The following ANO3 variants were observed in gnomAD, a reference collection of about 807,000 sequenced individuals.
The protein encoded by ANO3 is anoctamin-3.
ANO3 carries 99 observed loss-of-function variants against 144.8 expected under a neutral mutation model. The observed-to-expected ratio is 0.68, with a 90% confidence interval of 0.58 to 0.81. The LOEUF (loss-of-function observed/expected upper bound fraction) is 0.81. Ranked by LOEUF, ANO3 falls within the 30% of genes least tolerant of loss-of-function variation. The probability of loss-of-function intolerance (pLI) is 0.00; values close to 1 mark genes in which losing one functional copy is unlikely to be tolerated. For synonymous variants in ANO3, 414 were observed against 392.6 expected (o/e 1.05, Z -0.64); for missense variants, 905 against 1,202.2 (o/e 0.75, Z 3.66).
intron 4 of ANO3, among the ~76,000 whole-genome samples, chr11:26,506,307 C>A (rs117350627): frequency 0.022 from 3,353 of 152,274 alleles, 62 homozygotes; most frequent in Non-Finnish European, 0.035. Flanking sequence ...AAGGTATCAA[C>A]TTGGTCAAAA....
At chr11:26,229,800 T>C (rs897268815) in intron 1 of ANO3, among the ~76,000 whole-genome samples, 2 of 152,170 alleles carry the variant, frequency 1.3e-5, no homozygotes, top group Admixed American at 1.3e-4. Context: ...AATTACCCAC[T>C]ATTCAAATTG....
At chr11:26,580,309 G>T (rs1046985144) in intron 14 of ANO3, among the ~76,000 whole-genome samples, 1 of 151,974 alleles carries the variant, frequency 6.6e-6, no homozygotes, top group African/African-American at 2.4e-5. Flanking sequence ...TCTCTAGCAT[G>T]GTTAATTCTG....
At chr11:26,393,803 T>A (rs191000936) in intron 1 of ANO3, among the ~76,000 whole-genome samples, 1 of 152,160 alleles carries the variant, frequency 6.6e-6, no homozygotes, top group Non-Finnish European at 1.5e-5. Flanking sequence ...TAAAAAGTTG[T>A]TTTGAAAACT....
intron 1 of ANO3, among the ~76,000 whole-genome samples, chr11:26,344,602 T>C (rs956237897): frequency 6.6e-6 from 1 of 152,078 alleles, no homozygotes; most frequent in Non-Finnish European, 1.5e-5. Context: ...CCTGACCTTG[T>C]GATCCGCCCG....
intron 1 of ANO3, among the ~76,000 whole-genome samples, chr11:26,430,687 A>G (rs1402154176): frequency 6.6e-6 from 1 of 150,846 alleles, no homozygotes. Flanking sequence ...TCCTTTGGGG[A>G]AAAAAATCAA....
At chr11:26,249,815 A>T (rs544349373) in intron 1 of ANO3, among the ~76,000 whole-genome samples, 1 of 152,268 alleles carries the variant, frequency 6.6e-6, no homozygotes, top group South Asian at 2.1e-4. Flanking sequence ...AAGAAAGAAT[A>T]AAAAACGCTT....
At chr11:26,212,680 T>C (rs908044482) in intron 1 of ANO3, among the ~76,000 whole-genome samples, 6 of 151,976 alleles carry the variant, frequency 3.9e-5, no homozygotes, top group South Asian at 2.1e-4. Flanking sequence ...ACCAGACAGA[T>C]TGACAGCCAA....
At chr11:26,538,097 A>G (rs748578033) in intron 10 of ANO3, among the ~76,000 whole-genome samples, 3 of 152,218 alleles carry the variant, frequency 2.0e-5, no homozygotes, top group Non-Finnish European at 2.9e-5. Flanking sequence ...CTCACAGTAC[A>G]TAATACAAGG....
intron 4 of ANO3, among the ~76,000 whole-genome samples, chr11:26,467,427 C>A (rs184398486): frequency 6.6e-5 from 10 of 151,998 alleles, no homozygotes; most frequent in Admixed American, 6.6e-4. Flanking sequence ...ATCCCCTCTC[C>A]CCTTGCCCTA....
intron 1 of ANO3, among the ~76,000 whole-genome samples, chr11:26,230,628 C>G (rs1852370066): frequency 6.6e-6 from 1 of 151,346 alleles, no homozygotes; most frequent in Non-Finnish European, 1.5e-5. Flanking sequence ...GAAACCCCGT[C>G]TCTACTAGAA....
At chr11:26,287,144 A>G (rs577141295) in intron 1 of ANO3, among the ~76,000 whole-genome samples, 31 of 152,316 alleles carry the variant, frequency 2.0e-4, no homozygotes, top group Non-Finnish European at 2.6e-4. Flanking sequence ...TGATAGAGTG[A>G]CTAATATATT....
At chr11:26,510,680 G>C (rs1249640324) in intron 5 of ANO3, among the ~76,000 whole-genome samples, 1 of 152,170 alleles carries the variant, frequency 6.6e-6, no homozygotes, top group Non-Finnish European at 1.5e-5. Flanking sequence ...CAAACTCACT[G>C]CCTTGACTAA....
At chr11:26,388,208 C>T (rs1228806362) in intron 1 of ANO3, among the ~76,000 whole-genome samples, 1 of 150,002 alleles carries the variant, frequency 6.7e-6, no homozygotes, top group African/African-American at 2.4e-5. Context: ...TCCTATAAAC[C>T]CAGAAATACA....
Position 26,511,831 on chromosome 11 carries a change from G to A in ANO3, c.591+3569G>A, listed in dbSNP as rs565706666. On this transcript the variant is annotated intron_variant, in intron 5 of 26. Coordinates refer to ENST00000256737, the MANE Select transcript of ANO3 (RefSeq NM_031418.4). Reference sequence around the variant, plus strand: ...GTGATCTTTTAAACTATTGATGCCAGATCCCACCACAGCATAGATCAATTA... The same window carrying A: ...GTGATCTTTTAAACTATTGATGCCAAATCCCACCACAGCATAGATCAATTA... 5.3e-5 allele frequency among the ~76,000 whole-genome samples: 8 copies of A among 152,254 alleles called. No homozygotes were observed. The South Asian group carries it at 1.7e-3, about 32-fold the overall frequency.
intron 24 of ANO3, 67 bp from the exon 25 acceptor site, chr11:26,656,058 G>A: frequency 2.4e-6 from 3 of 1,257,786 alleles, no homozygotes; most frequent in Non-Finnish European, 3.4e-6. Context: ...CCTGGCATTT[G>A]TAATAAAATA....
At chr11:26,386,038 A>G (rs1004289774) in intron 1 of ANO3, among the ~76,000 whole-genome samples, 1 of 152,144 alleles carries the variant, frequency 6.6e-6, no homozygotes, top group African/African-American at 2.4e-5. Flanking sequence ...CTAGTTTTAA[A>G]TATCTTCCAG....
chr11:26,604,593 C>T (rs901846508), intron 17 of ANO3, among the ~76,000 whole-genome samples: 3 of 152,034 alleles, frequency 2.0e-5, no homozygotes, highest in African/African-American at 7.3e-5. Flanking sequence ...TTTCCTAGAG[C>T]AGTGGTTTAT....
intron 1 of ANO3, among the ~76,000 whole-genome samples, chr11:26,320,663 T>C (rs935315633): frequency 6.6e-6 from 1 of 152,170 alleles, no homozygotes; most frequent in Non-Finnish European, 1.5e-5. Context: ...ATATATGATG[T>C]TATATCTTAT....
chr11:26,292,237 C>T (rs973495955), intron 1 of ANO3, among the ~76,000 whole-genome samples: 4 of 152,084 alleles, frequency 2.6e-5, no homozygotes, highest in African/African-American at 9.7e-5. Context: ...ACATAGTTCT[C>T]GTGACATGGT....
Sources: gnomAD v4.1 joint callset for allele counts (sites outside exome capture counted in the v4.1 genomes callset) on GRCh38, gnomAD v4.1.1 for gene constraint, MANE v1.5 for transcripts, NCBI Gene and HGNC (gene_info 2026-07-23, HGNC 2026-07-21) for gene names.